Variants in RBFOX1 observed in about 807,000 individuals in gnomAD.
RBFOX1 encodes the protein RNA binding protein fox-1 homolog 1.
A neutral mutation model predicts 57.7 loss-of-function variants in RBFOX1; 8 were observed. The ratio of observed to expected loss-of-function variants is 0.14; its 90% confidence interval spans 0.08 to 0.25. The LOEUF (loss-of-function observed/expected upper bound fraction) is 0.25, where lower values mean the gene tolerates loss of function less well. Among genes scored for constraint, RBFOX1 ranks in the 10% least tolerant of loss-of-function variants. The probability of loss-of-function intolerance (pLI) is 1.00; values close to 1 mark genes in which losing one functional copy is unlikely to be tolerated. For synonymous variants in RBFOX1, 326 were observed against 222.4 expected, an observed-to-expected ratio of 1.47 and a Z score of -4.15; for missense variants, 611 against 548.5, an observed-to-expected ratio of 1.11 and a Z score of -1.14.
chr16:5,285,391 C>G (rs2063367967), intron 1 of RBFOX1, among the ~76,000 whole-genome samples: 1 of 151,986 alleles, frequency 6.6e-6, no homozygotes, highest in African/African-American at 2.4e-5. Context: ...TATCTGTGTT[C>G]TCTTATATCT....
intron 4 of RBFOX1, among the ~76,000 whole-genome samples, chr16:7,343,062 C>A (rs560035835): frequency 1.9e-4 from 29 of 152,266 alleles, no homozygotes; most frequent in Non-Finnish European, 3.5e-4. Flanking sequence ...GGCCTGTCCC[C>A]TCCGTTCCAT....
chr16:5,365,186 C>G (rs1272228677), intron 1 of RBFOX1, among the ~76,000 whole-genome samples: 1 of 152,128 alleles, frequency 6.6e-6, no homozygotes, highest in African/African-American at 2.4e-5. Flanking sequence ...TCGTGGAGGT[C>G]CGCCTGTTCC....
chr16:6,926,469 G>T (rs569738190), intron 3 of RBFOX1, among the ~76,000 whole-genome samples: 105 of 152,258 alleles, frequency 6.9e-4, no homozygotes, highest in African/African-American at 2.5e-3. Flanking sequence ...TAGATAGTAG[G>T]TTCAGTGGGT....
rs146156138 is a variant in RBFOX1, at chr16:6,517,514, C to G, written c.-63-137089C>G. 4.9e-3 allele frequency among the ~76,000 whole-genome samples: 743 copies of G among 152,238 alleles called. 19 individuals are homozygous for G. The East Asian group carries it at 0.094, about 19-fold the overall frequency. On this transcript the variant is annotated intron_variant, in intron 2 of 15. Transcript: ENST00000550418. ...CCCAGCTGGCTTCTCTTTGGCAGCACTTCTCCACCTACACTGCCGAAGTGG... is the reference window on the plus strand; with the variant it reads ...CCCAGCTGGCTTCTCTTTGGCAGCAGTTCTCCACCTACACTGCCGAAGTGG...
chr16:7,130,554 T>G (rs2070018343), intron 4 of RBFOX1, among the ~76,000 whole-genome samples: 1 of 152,150 alleles, frequency 6.6e-6, no homozygotes, highest in African/African-American at 2.4e-5. Context: ...TTCTGAATGA[T>G]GGAGTGAAAC....
At chr16:7,567,545 G>A (rs866951751) in intron 5 of RBFOX1, among the ~76,000 whole-genome samples, 9 of 52,282 alleles carry the variant, frequency 1.7e-4, no homozygotes, top group East Asian at 5.1e-4. Context: ...GGCCCTATAT[G>A]TATATCCCTA....
chr16:6,161,303 C>T (rs1003622595), intron 1 of RBFOX1, among the ~76,000 whole-genome samples: 2 of 151,392 alleles, frequency 1.3e-5, no homozygotes, highest in Non-Finnish European at 1.5e-5. Context: ...GCAGGAGAAT[C>T]GCTTGAGCCT....
At chr16:6,754,703 G>GTT (rs201645330) in intron 3 of RBFOX1, among the ~76,000 whole-genome samples, 1,954 of 148,528 alleles carry the variant, frequency 0.013, 30 homozygotes, top group Middle Eastern at 0.045. Context: ...ATGGAATGTT[G>GTT]TTTTTTTTTT....
intron 2 of RBFOX1, among the ~76,000 whole-genome samples, chr16:6,445,215 G>C (rs1240853597): frequency 6.6e-6 from 1 of 151,998 alleles, no homozygotes; most frequent in African/African-American, 2.4e-5. Flanking sequence ...AGTTTAGCCT[G>C]AGATTTTCTT....
At position 5,702,221 on chromosome 16, in the gene RBFOX1, C is replaced by G. The variant is rs192378713; in HGVS notation, c.318+103260C>G. Among the ~76,000 whole-genome samples, 496 of 152,284 alleles carry G rather than the reference C, an allele frequency of 3.3e-3. 4 individuals are homozygous for G. Among genetic ancestry groups the G allele is most frequent in the Non-Finnish European group, 5.6e-3 (378 of 68,024 alleles). ...AACAGGAGGCATGACTGGGAGACCTCAGGAAACTTACAATTATAGCAGAAG... is the reference window on the plus strand; with the variant it reads ...AACAGGAGGCATGACTGGGAGACCTGAGGAAACTTACAATTATAGCAGAAG... On this transcript the variant is annotated intron_variant, in intron 3 of 19. Transcript: ENST00000641259.
At chr16:7,393,673 T>G (rs1055023281) in intron 4 of RBFOX1, among the ~76,000 whole-genome samples, 8 of 152,148 alleles carry the variant, frequency 5.3e-5, no homozygotes, top group Non-Finnish European at 7.4e-5. Context: ...GATTATTCAT[T>G]GTGCCAAGGA....
chr16:6,852,612 A>G (rs919699051), intron 3 of RBFOX1, among the ~76,000 whole-genome samples: 4 of 152,168 alleles, frequency 2.6e-5, no homozygotes, highest in Admixed American at 1.3e-4. Context: ...GATGAGATGC[A>G]TGCTGGGAAC....
intron 4 of RBFOX1, among the ~76,000 whole-genome samples, chr16:5,968,840 A>C (rs79939796): frequency 0.012 from 1,805 of 151,954 alleles, 43 homozygotes; most frequent in African/African-American, 0.042. Context: ...TCTTATCTCT[A>C]TTTTACCCAT....
Position 7,081,344 on chromosome 16 carries a change from C to G in RBFOX1, c.27+29246C>G, listed in dbSNP as rs527522392. On this transcript the variant is annotated intron_variant, in intron 4 of 15. Coordinates refer to ENST00000550418, the MANE Select transcript of RBFOX1 (RefSeq NM_018723.4). The stretch of plus-strand genomic sequence containing the variant: ...GCCACCACGCCCGGCCCACACTGGC[C>G]TTATTAACATGCAGAACATGGTAAT... 2.2e-4 allele frequency among the ~76,000 whole-genome samples: 33 copies of G among 152,280 alleles called. 1 individual carries two copies. In the South Asian group the frequency reaches 6.0e-3, roughly 28 times the overall value.
intron 1 of RBFOX1, among the ~76,000 whole-genome samples, chr16:6,173,584 G>A (rs1246333367): frequency 6.7e-6 from 1 of 148,514 alleles, no homozygotes; most frequent in African/African-American, 2.5e-5. Flanking sequence ...GAATTGTATG[G>A]AGTGGACACT....
intron 4 of RBFOX1, chr16:7,332,986 T>C: frequency 1.2e-6 from 2 of 1,613,456 alleles, no homozygotes; most frequent in Non-Finnish European, 8.5e-7. Context: ...GAGGGAATAA[T>C]AACTCTACGT....
intron 4 of RBFOX1, among the ~76,000 whole-genome samples, chr16:7,116,646 C>T (rs969948072): frequency 6.6e-6 from 1 of 152,106 alleles, no homozygotes; most frequent in African/African-American, 2.4e-5. Flanking sequence ...TTAGAAAATG[C>T]AATTCATGTG....
chr16:6,739,624 C>T (rs561522559), intron 3 of RBFOX1, among the ~76,000 whole-genome samples: 1 of 152,092 alleles, frequency 6.6e-6, no homozygotes, highest in African/African-American at 2.4e-5. Context: ...TGCCTGTAAT[C>T]CCAGCACTTT....
chr16:5,687,341 C>G (rs2050535721), intron 3 of RBFOX1, among the ~76,000 whole-genome samples: 1 of 151,988 alleles, frequency 6.6e-6, no homozygotes, highest in Admixed American at 6.6e-5. Flanking sequence ...GTAGAGTCGC[C>G]TGCTTACCAC....
Sources: allele counts gnomAD v4.1 joint callset (sites outside exome capture counted in the v4.1 genomes callset), GRCh38; gene constraint gnomAD v4.1.1; transcripts MANE v1.5; gene names NCBI Gene and HGNC (gene_info 2026-07-23, HGNC 2026-07-21).